Variants in DNAJC6 observed in about 807,000 individuals in gnomAD.
DNAJC6 encodes DnaJ heat shock protein family (Hsp40) member C6, also known as auxilin.
In DNAJC6, 34 loss-of-function variants were observed where a neutral mutation model predicts 110.0. The ratio of observed to expected loss-of-function variants is 0.31; its 90% CI spans 0.24 to 0.41. The LOEUF is 0.41. Among genes scored for constraint, DNAJC6 ranks in the 10% least tolerant of loss-of-function variants. DNAJC6 has a pLI of 1.00. For synonymous variants in DNAJC6, 406 were observed against 437.2 expected (o/e 0.93, Z 0.89); for missense variants, 1,031 against 1,207.8 (o/e 0.85, Z 2.17).
In DNAJC6 at chr1:65,365,756, G is replaced by T. The variant is rs189487661; in HGVS notation, c.345-129G>T. The T allele has an allele frequency of 4.2e-5, 41 of 970,002 alleles. 1 individual carries two copies. In the East Asian group the frequency reaches 6.5e-4, roughly 15 times the overall value. 60.1% of individuals were successfully genotyped at this position (970,002 alleles called of 1,614,324 possible). A position where few individuals can be genotyped will look rare whatever the true frequency, so the allele number is the denominator to read the frequency against. ...TGATCCTTCCTTGTTGGAGAGAAGG[G>T]CTGGAGGGGAGTCGAAACATGCCCC... is the stretch of plus-strand genomic sequence containing the variant. On this transcript the variant is annotated intron_variant, in intron 2 of 18. Transcript: ENST00000371069.
chr1:65,343,867 C>A (rs767693748), intron 1 of DNAJC6, among the ~76,000 whole-genome samples: 1 of 152,122 alleles, frequency 6.6e-6, no homozygotes, highest in Admixed American at 6.6e-5. Flanking sequence ...ACATCTCAGA[C>A]GGCAAATGTT....
intron 4 of DNAJC6, among the ~76,000 whole-genome samples, chr1:65,379,014 G>A (rs1192440230): frequency 6.6e-6 from 1 of 152,142 alleles, no homozygotes; most frequent in East Asian, 1.9e-4. Flanking sequence ...ACGAGAGCTG[G>A]GATAAATTAG....
At chr1:65,364,875 G>A (rs1176682502) in intron 2 of DNAJC6, 90 bp downstream of exon 2, 43 of 1,491,708 alleles carry the variant, frequency 2.9e-5, no homozygotes, top group Middle Eastern at 3.6e-4. Flanking sequence ...CTCAAAGAGT[G>A]TCAATTTTGG....
At chr1:65,379,682 A>ATCCC in intron 5 of DNAJC6, 158 bp downstream of exon 5, 4 of 1,109,696 alleles carry the variant, frequency 3.6e-6, no homozygotes, top group Non-Finnish European at 5.1e-6. Flanking sequence ...TAAGAAAGGG[A>ATCCC]TTTATTATTC....
exon 1 of DNAJC6, chr1:65,264,876 T>C (rs1466581103): frequency 1.2e-6 from 2 of 1,612,494 alleles, no homozygotes; most frequent in Admixed American, 1.7e-5. Context: ...AGCCGGACTT[T>C]CCTGCTCATT....
chr1:65,280,269 C>G (rs1193268590), intron 1 of DNAJC6, among the ~76,000 whole-genome samples: 1 of 152,064 alleles, frequency 6.6e-6, no homozygotes. Flanking sequence ...TGAGTGGATT[C>G]TTTTTCTGTG....
intron 1 of DNAJC6, among the ~76,000 whole-genome samples, chr1:65,270,741 C>T (rs1749973): frequency 0.74 from 113,118 of 152,094 alleles, 42,869 homozygotes; most frequent in East Asian, 0.98. Context: ...TTCAGTGGTG[C>T]GATCTTGGCT....
intron 4 of DNAJC6, among the ~76,000 whole-genome samples, chr1:65,377,910 T>TC (rs1175582328): frequency 3.3e-5 from 5 of 152,180 alleles, no homozygotes; most frequent in Non-Finnish European, 5.9e-5. Flanking sequence ...TCTGCAGAAT[T>TC]CCGTATCTCA....
intron 1 of DNAJC6, among the ~76,000 whole-genome samples, chr1:65,311,466 C>A (rs577754894): frequency 6.6e-6 from 1 of 152,252 alleles, no homozygotes; most frequent in South Asian, 2.1e-4. Context: ...CTCAGGTGAT[C>A]TGCCTGCCTC....
chr1:65,399,990 G>A (rs917793182), intron 14 of DNAJC6, among the ~76,000 whole-genome samples: 1 of 152,052 alleles, frequency 6.6e-6, no homozygotes, highest in Non-Finnish European at 1.5e-5. Flanking sequence ...TGACCAGTCC[G>A]GGCAACATGG....
intron 15 of DNAJC6, among the ~76,000 whole-genome samples, chr1:65,403,074 A>G (rs1646044494): frequency 6.6e-6 from 1 of 152,254 alleles, no homozygotes; most frequent in Non-Finnish European, 1.5e-5. Flanking sequence ...TAAAACTTAC[A>G]TTATAGAAGG....
rs1297297337 is a variant in DNAJC6, at chr1:65,334,752, A to G, written c.193+24814A>G. Among the ~76,000 whole-genome samples the G allele has an allele frequency of 3.3e-5, 5 of 152,170 alleles. No individual in the cohort carries two copies. In the East Asian group the frequency reaches 7.7e-4, roughly 23 times the overall value. ...GGTGGGTTGGATTTGGGTTTTGCCT[A>G]TAGGAACAGTGGGAGGAAACAAGGT... On this transcript the variant is annotated intron_variant, in intron 1 of 18. Transcript: ENST00000371069.
At position 65,388,311 on chromosome 1, in the gene DNAJC6, A is replaced by C. The variant is rs372553730; in HGVS notation, c.1114-25A>C. The C allele has an allele frequency of 7.2e-5, 115 of 1,597,842 alleles. No homozygotes were observed. In the African/African-American group the frequency reaches 1.4e-3, roughly 19 times the overall value. On this transcript the variant is annotated intron_variant, in intron 8 of 18. Transcript: ENST00000371069. ...ATTCCCTTTTCGCTGATTGATTGTAATGTGCTTCTCTCATGTATTTTTAGG... is the reference window on the plus strand; with the variant it reads ...ATTCCCTTTTCGCTGATTGATTGTACTGTGCTTCTCTCATGTATTTTTAGG...
intron 1 of DNAJC6, among the ~76,000 whole-genome samples, chr1:65,356,680 A>C (rs9436274): frequency 1.7e-3 from 255 of 152,178 alleles, no homozygotes; most frequent in African/African-American, 6.0e-3. Context: ...CATGCGTGTT[A>C]TTATTTGATC....
intron 1 of DNAJC6, among the ~76,000 whole-genome samples, chr1:65,294,688 A>G (rs1156286952): frequency 2.5e-5 from 3 of 118,628 alleles, no homozygotes; most frequent in African/African-American, 1.0e-4. Context: ...AATATATTGT[A>G]CCCATTGAGT....
intron 4 of DNAJC6, among the ~76,000 whole-genome samples, chr1:65,369,136 A>G (rs1035694920): frequency 2.0e-5 from 3 of 151,892 alleles, no homozygotes; most frequent in Non-Finnish European, 2.9e-5. Flanking sequence ...GGCTTTTCCA[A>G]TTCTCTCTCC....
At position 65,309,713 on chromosome 1, in the gene DNAJC6, GTTGA is replaced by G. The variant is rs1219278329; in HGVS notation, c.-30_-27del. 6.5e-7 allele frequency: 1 copy of G among 1,539,488 alleles called. No individual in the cohort carries two copies. The highest frequency in any genetic ancestry group is 8.8e-7 in the Non-Finnish European group (1 of 1,142,086). ...TTCCATCTCCCTTTTCGCTTCCCAG[GTTGA>G]TTATTTTCTCTTTTCTCCGGGCTTG... On this transcript the variant is annotated 5_prime_UTR_variant, in exon 1 of 19. Coordinates refer to ENST00000371069, the MANE Select transcript of DNAJC6 (RefSeq NM_001256864.2).
rs767474549 is a variant in DNAJC6 at position 65,366,172 on chromosome 1, T to C, written c.519T>C (p.Tyr173=). 1 of 1,613,616 alleles carries C rather than the reference T, an allele frequency of 6.2e-7. No homozygotes were observed. The highest frequency in any genetic ancestry group is 1.3e-5 in the African/African-American group (1 of 75,018). The change falls in exon 4 of 19, where the codon TAT becomes TAC. Residue 173 remains tyrosine (Y), a synonymous_variant. Coordinates refer to ENST00000371069, the MANE Select transcript of DNAJC6 (RefSeq NM_001256864.2). ...TATACAATCTGTCACCTAAGTCTTA[T>C]CGAACTGCCAAGTTTCACAGCCGGG... ...YTVYNLSPKS[Y]RTAKFHSRVS...
At chr1:65,410,323 A>AT (rs1176891714) in intron 17 of DNAJC6, among the ~76,000 whole-genome samples, 3 of 152,162 alleles carry the variant, frequency 2.0e-5, no homozygotes, top group Admixed American at 1.3e-4. Context: ...TCTTTGATAC[A>AT]TTTTTTAGTA....
Sources: allele counts gnomAD v4.1 joint callset (sites outside exome capture counted in the v4.1 genomes callset), GRCh38; gene constraint gnomAD v4.1.1; transcripts MANE v1.5; gene names NCBI Gene and HGNC (gene_info 2026-07-23, HGNC 2026-07-21).